The following VIPR1 variants were observed in gnomAD, a reference collection of about 807,000 sequenced individuals.
VIPR1 encodes the protein vasoactive intestinal polypeptide receptor 1.
VIPR1 carries 59 observed loss-of-function variants against 58.8 expected under a neutral mutation model. That is an observed-to-expected ratio of 1.00 (90% CI 0.81 to 1.25). The LOEUF is 1.25. Ranked by LOEUF, VIPR1 falls within the 50% of genes most tolerant of loss-of-function variation. The pLI is 0.00. For synonymous variants in VIPR1, 251 were observed against 242.1 expected, an observed-to-expected ratio of 1.04 and a Z score of -0.34; for missense variants, 626 against 602.7, an observed-to-expected ratio of 1.04 and a Z score of -0.40.
At chr3:42,497,698 G>A (rs926019558), upstream of VIPR1, among the ~76,000 whole-genome samples, 3 of 152,118 alleles carry the variant, frequency 2.0e-5, no homozygotes, top group East Asian at 1.9e-4. Context: ...CGGTTTCCCC[G>A]ATACCGTTCT....
chr3:42,515,577 C>G (rs1029007557), intron 2 of VIPR1, among the ~76,000 whole-genome samples: 2 of 152,248 alleles, frequency 1.3e-5, no homozygotes, highest in East Asian at 3.8e-4. Context: ...ACAGCGTTCC[C>G]GTCGGGTGCC....
intron 6 of VIPR1, 24 bp from the exon 7 acceptor site, chr3:42,530,755 C>T: frequency 6.2e-7 from 1 of 1,611,858 alleles, no homozygotes; most frequent in Non-Finnish European, 8.5e-7. Context: ...CCAGTGAACC[C>T]CGTCTTTTCT....
intron 3 of VIPR1, chr3:42,521,709 A>C (rs1700926907): frequency 6.6e-6 from 1 of 152,178 alleles, no homozygotes. Flanking sequence ...ATTGCTCATT[A>C]AGACATCAAA....
At chr3:42,524,174 T>C (rs1228665626) in intron 3 of VIPR1, among the ~76,000 whole-genome samples, 1 of 152,134 alleles carries the variant, frequency 6.6e-6, no homozygotes, top group African/African-American at 2.4e-5. Context: ...ATGAATCAGA[T>C]TGTGGGTGGG....
intron 6 of VIPR1, among the ~76,000 whole-genome samples, chr3:42,529,073 C>T (rs914987131): frequency 1.2e-4 from 19 of 152,156 alleles, no homozygotes; most frequent in African/African-American, 3.6e-4. Context: ...GCACATGTTA[C>T]GGATAATTAT....
chr3:42,510,301 T>C (rs1700302677), intron 1 of VIPR1, among the ~76,000 whole-genome samples: 1 of 152,136 alleles, frequency 6.6e-6, no homozygotes, highest in Non-Finnish European at 1.5e-5. Context: ...AGCATACCCA[T>C]TCTGTAGGAA....
chr3:42,493,450 C>A (rs1577188815), intron 1 of VIPR1, among the ~76,000 whole-genome samples: 1 of 152,234 alleles, frequency 6.6e-6, no homozygotes, highest in Non-Finnish European at 1.5e-5. Context: ...ATTTAGTGAG[C>A]ATGGCTGCTT....
rs755471706 is a variant in VIPR1 at position 42,531,489 on chromosome 3, C to T, written c.809C>T (p.Thr270Ile). ...CTGACAGGGGTACCCAGCACATTCA[C>T]CATGGTGTGGACCATCGCCAGGATC... Reference protein sequence around the residue: ...LIGWGVPSTFTMVWTIARIHF... With the variant: ...LIGWGVPSTFIMVWTIARIHF... The change falls in exon 8 of 13, where the codon ACC becomes ATC. Residue 270 changes from threonine to isoleucine, a missense_variant. Physicochemically the swap from Thr to Ile is moderately conservative, Grantham distance 89. Transcript: ENST00000325123. 1.3e-6 allele frequency: 2 copies of T among 1,589,900 alleles called. No individual in the cohort carries two copies. Among genetic ancestry groups the T allele is most frequent in the Non-Finnish European group, 1.7e-6 (2 of 1,167,132 alleles).
chr3:42,497,378 A>G (rs1248139459), intron 1 of VIPR1, among the ~76,000 whole-genome samples: 2 of 152,196 alleles, frequency 1.3e-5, no homozygotes, highest in Non-Finnish European at 2.9e-5. Flanking sequence ...GGCTGGAAGT[A>G]GATGTGTCTG....
At chr3:42,511,049 C>T (rs1163969588) in intron 1 of VIPR1, among the ~76,000 whole-genome samples, 1 of 152,190 alleles carries the variant, frequency 6.6e-6, no homozygotes, top group Non-Finnish European at 1.5e-5. Context: ...AGGCTGGACA[C>T]TTTTGTTTAC....
chr3:42,531,755 T>C, intron 8 of VIPR1, 48 bp from the exon 9 acceptor site: 1 of 1,612,536 alleles, frequency 6.2e-7, no homozygotes, highest in Non-Finnish European at 8.5e-7. Flanking sequence ...GCTGAGTCTC[T>C]CTCTGGCTGA....
chr3:42,535,203 T>TA, intron 11 of VIPR1, 99 bp downstream of exon 11: 2 of 1,600,214 alleles, frequency 1.2e-6, no homozygotes, highest in Non-Finnish European at 1.7e-6. Context: ...CTTTTTACTG[T>TA]AATAAGTATT....
At position 42,513,758 on chromosome 3, in the gene VIPR1, G is replaced by A; in HGVS notation, c.88G>A (p.Ala30Thr). ...AWALGPAGGQ[A>T]ARLQEECDYV... is the part of the protein sequence containing the mutation. Reference sequence around the variant, plus strand: ...CTGTCTTTGTTCTCAGGGCGGCCAGGCGGCCAGGCTGCAGGAGGAGTGTGA... The same window carrying A: ...CTGTCTTTGTTCTCAGGGCGGCCAGACGGCCAGGCTGCAGGAGGAGTGTGA... The change falls in exon 2 of 13, where the codon GCG (alanine) becomes ACG (threonine). Residue 30 changes from alanine (A) to threonine (T), a missense_variant. By Grantham distance (58) the Ala-to-Thr change is moderately conservative (BLOSUM62 0). Coordinates refer to ENST00000325123, the MANE Select transcript of VIPR1 (RefSeq NM_004624.4). 1 of 1,551,420 alleles carries A rather than the reference G, an allele frequency of 6.4e-7. No homozygotes were observed. Among genetic ancestry groups the A allele is most frequent in the Non-Finnish European group, 8.7e-7 (1 of 1,146,854 alleles).
intron 7 of VIPR1, chr3:42,531,200 A>G: frequency 1.6e-6 from 1 of 609,674 alleles, no homozygotes. Flanking sequence ...CGAAATACAC[A>G]GGGCCACTGC....
chr3:42,505,323 G>A (rs72862516), intron 1 of VIPR1, among the ~76,000 whole-genome samples: 3,066 of 152,320 alleles, frequency 0.02, 95 homozygotes, highest in African/African-American at 0.069. Flanking sequence ...AGGACCAATG[G>A]GCCTGCCCCC....
At chr3:42,497,396 T>C (rs1222017285) in intron 1 of VIPR1, among the ~76,000 whole-genome samples, 1 of 152,118 alleles carries the variant, frequency 6.6e-6, no homozygotes, top group African/African-American at 2.4e-5. Context: ...CTGTATGAAC[T>C]CATGCCCACA....
At chr3:42,496,560 G>T (rs1699767990) in intron 1 of VIPR1, among the ~76,000 whole-genome samples, 1 of 152,160 alleles carries the variant, frequency 6.6e-6, no homozygotes, top group South Asian at 2.1e-4. Context: ...CTTCCACTAG[G>T]ACTGTAGATT....
chr3:42,528,164 G>A (rs774776291), intron 6 of VIPR1, 41 bp downstream of exon 6: 17 of 1,603,360 alleles, frequency 1.1e-5, no homozygotes, highest in Middle Eastern at 1.9e-4. Context: ...CAGTCTCGCC[G>A]TTATCTTTAA....
chr3:42,517,225 G>T (rs960948696), intron 2 of VIPR1, among the ~76,000 whole-genome samples: 2 of 152,244 alleles, frequency 1.3e-5, no homozygotes, highest in Non-Finnish European at 2.9e-5. Flanking sequence ...AATGCACACA[G>T]TCCCGAGGCT....
Sources: allele counts gnomAD v4.1 joint callset (sites outside exome capture counted in the v4.1 genomes callset), GRCh38; gene constraint gnomAD v4.1.1; transcripts MANE v1.5; gene names NCBI Gene and HGNC (gene_info 2026-07-23, HGNC 2026-07-21).